The following SERPINE2 variants were observed in gnomAD, a reference collection of about 807,000 sequenced individuals.
The protein encoded by SERPINE2 is serpin family E member 2.
A neutral mutation model predicts 36.3 loss-of-function variants in SERPINE2; 14 were observed. That is an observed-to-expected ratio of 0.39 (90% confidence interval 0.25 to 0.60). SERPINE2 has a LOEUF of 0.60. SERPINE2 is among the 20% of genes least tolerant of loss of function. The probability of loss-of-function intolerance (pLI) is 0.57; values close to 1 mark genes in which losing one functional copy is unlikely to be tolerated. For missense variants in SERPINE2, 418 were observed against 499.6 expected (o/e 0.84, Z 1.56); for synonymous variants, 192 against 191.8 (o/e 1.00, Z -0.01).
At chr2:224,022,142 G>C (rs1437301909) in intron 1 of SERPINE2, among the ~76,000 whole-genome samples, 1 of 135,552 alleles carries the variant, frequency 7.4e-6, no homozygotes, top group Admixed American at 7.8e-5. Flanking sequence ...CTGGGCAACA[G>C]AGCGAGACTC....
At chr2:223,982,444 C>T (rs953694996) in intron 6 of SERPINE2, 36 of 380,010 alleles carry the variant, frequency 9.5e-5, no homozygotes, top group Non-Finnish European at 1.4e-4. Context: ...ATCCATGTAA[C>T]CAAAAACCAC....
intron 4 of SERPINE2, among the ~76,000 whole-genome samples, chr2:223,991,533 A>G (rs575670679): frequency 1.3e-5 from 2 of 152,324 alleles, no homozygotes; most frequent in East Asian, 3.9e-4. Flanking sequence ...TAAGTTTTCA[A>G]CCAAAAAGCC....
intron 1 of SERPINE2, among the ~76,000 whole-genome samples, chr2:224,008,930 C>G (rs1356221333): frequency 6.6e-6 from 1 of 152,190 alleles, no homozygotes; most frequent in Non-Finnish European, 1.5e-5. Context: ...GAAAGACCAG[C>G]TGCTGACACT....
At chr2:224,015,418 G>A (rs36006250) in intron 1 of SERPINE2, among the ~76,000 whole-genome samples, 19,725 of 152,174 alleles carry the variant, frequency 0.13, 1,393 homozygotes, top group Middle Eastern at 0.19. Context: ...TGGACAAAGG[G>A]GCGGAGAGAT....
intron 1 of SERPINE2, among the ~76,000 whole-genome samples, chr2:224,018,604 A>T (rs1400934458): frequency 6.6e-6 from 1 of 150,474 alleles, no homozygotes; most frequent in Non-Finnish European, 1.5e-5. Context: ...AAAAAAAAAT[A>T]ATAATAAAAT....
rs367557630 is a variant in SERPINE2 at position 223,975,856 on chromosome 2, T to C, written c.*11A>G. 17 of 1,576,682 alleles carry C rather than the reference T, an allele frequency of 1.1e-5. No homozygotes were observed. The highest frequency in any genetic ancestry group is 1.2e-5 in the Non-Finnish European group (14 of 1,156,270). On this transcript the variant is annotated 3_prime_UTR_variant, in exon 9 of 9. Coordinates refer to ENST00000409304, the MANE Select transcript of SERPINE2 (RefSeq NM_001136528.2). ...TAGTCGTTGCTTTGCATGGTTTCTT[T>C]TGTATACTCTTCAGGGTTTGTTTAT...
chr2:224,014,803 A>T (rs1559214305), intron 1 of SERPINE2, among the ~76,000 whole-genome samples: 1 of 152,186 alleles, frequency 6.6e-6, no homozygotes, highest in Non-Finnish European at 1.5e-5. Flanking sequence ...TTTATCCCTT[A>T]ATTTATCCTA....
chr2:224,020,817 T>C (rs1315146655), intron 1 of SERPINE2, among the ~76,000 whole-genome samples: 1 of 152,198 alleles, frequency 6.6e-6, no homozygotes. Flanking sequence ...CAATTTGCAT[T>C]CCCTATTTTA....
rs71058977 is a variant in SERPINE2, at chr2:224,022,158, CAAAAAAAAAA to C, written c.-23+16931_-23+16940del. ...TGGGCAACAGAGCGAGACTCCTTCT[CAAAAAAAAAA>C]AAAAAAAAAAAAAATTAGCCAGGTG... is the stretch of plus-strand genomic sequence containing the variant. On this transcript the variant is annotated intron_variant, in intron 1 of 8. Transcript: ENST00000409304. Among the ~76,000 whole-genome samples, 718 of 72,592 alleles carry C rather than the reference CAAAAAAAAAA, an allele frequency of 9.9e-3. 14 individuals are homozygous for C. The highest frequency in any genetic ancestry group is 0.037 in the African/African-American group (660 of 17,794). 47.6% of individuals were successfully genotyped at this position (72,592 alleles called of 152,430 possible).
chr2:223,983,228 G>A (rs1193282092), intron 5 of SERPINE2, among the ~76,000 whole-genome samples: 1 of 152,200 alleles, frequency 6.6e-6, no homozygotes, highest in Non-Finnish European at 1.5e-5. Flanking sequence ...GGTCAAAAGA[G>A]AGGAGAAACA....
chr2:223,993,475 T>G (rs1179862308), intron 3 of SERPINE2, among the ~76,000 whole-genome samples: 1 of 152,092 alleles, frequency 6.6e-6, no homozygotes, highest in Non-Finnish European at 1.5e-5. Flanking sequence ...TAAATAGGGA[T>G]CAGTAATGCC....
rs773065520 is a variant in SERPINE2, at chr2:223,998,213, T to C, written c.389A>G (p.Asn130Ser). 1 of 1,614,124 alleles carries C rather than the reference T, an allele frequency of 6.2e-7. No homozygotes were observed. Among genetic ancestry groups the C allele is most frequent in the African/African-American group, 1.3e-5 (1 of 74,942 alleles). The part of the protein sequence containing the change: ...SEIEVPFVTR[N>S]KDVFQCEVRN... Reference sequence around the variant, plus strand: ...GACCTCACACTGGAACACATCTTTGTTCCTTGTAACAAAAGGCACTTCAAT... The same window carrying C: ...GACCTCACACTGGAACACATCTTTGCTCCTTGTAACAAAAGGCACTTCAAT... Residue 130 changes from asparagine (N) to serine (S), a missense_variant, in exon 3 of 9, where the codon AAC becomes AGC. Physicochemically the swap from Asn to Ser is conservative, Grantham distance 46. Coordinates refer to ENST00000409304, the MANE Select transcript of SERPINE2 (RefSeq NM_001136528.2).
chr2:224,038,694 G>T, intron 1 of SERPINE2: 1 of 622,904 alleles, frequency 1.6e-6, no homozygotes. Flanking sequence ...CTAAGTCCGG[G>T]GTAGGGGTTG....
At chr2:223,976,271 C>T (rs1245381327) in intron 8 of SERPINE2, among the ~76,000 whole-genome samples, 1 of 152,226 alleles carries the variant, frequency 6.6e-6, no homozygotes, top group Non-Finnish European at 1.5e-5. Flanking sequence ...CTGCCTCAGC[C>T]TCCCAAGTAG....
chr2:224,019,770 A>ATTTTTTT (rs1261601893), intron 1 of SERPINE2, among the ~76,000 whole-genome samples: 2,641 of 129,200 alleles, frequency 0.02, 73 homozygotes, highest in South Asian at 0.068. Flanking sequence ...TTTTTTAAAA[A>ATTTTTTT]AAAAAAAAGA....
chr2:224,008,286 C>T lies in SERPINE2; in HGVS notation c.-22-6364G>A, dbSNP rs537464492. 2.6e-5 allele frequency among the ~76,000 whole-genome samples: 4 copies of T among 152,292 alleles called. No individual in the cohort carries two copies. The South Asian group carries it at 8.3e-4, about 32-fold the overall frequency. On this transcript the variant is annotated intron_variant, in intron 1 of 8. Transcript: ENST00000409304. ...ACCAAATGTGGGTGCTGTTATAATT[C>T]TAACTTTCCTCCCTCACTTATTAAT...
chr2:223,986,806 A>G (rs989238777), intron 4 of SERPINE2, among the ~76,000 whole-genome samples: 1 of 152,166 alleles, frequency 6.6e-6, no homozygotes, highest in Non-Finnish European at 1.5e-5. Flanking sequence ...AGTAATATTA[A>G]TAACCATGAA....
Position 223,980,325 on chromosome 2 carries a change from GC to G in SERPINE2, c.1057del (p.Ala353LeufsTer19). On this transcript the variant is annotated frameshift_variant, in exon 7 of 9. Coordinates refer to ENST00000409304, the MANE Select transcript of SERPINE2 (RefSeq NM_001136528.2). LOFTEE classifies it high-confidence loss of function. ...KIEVSEDGTK[A>X]SAATTAILIA... ...CCAGTGCTTACTTGTTGCTGCTGAAGCTTTGGTTCCATCTTCACTGACTTCA... is the reference window on the plus strand; with the variant it reads ...CCAGTGCTTACTTGTTGCTGCTGAAGTTTGGTTCCATCTTCACTGACTTCA... 1 of 1,614,116 alleles carries G rather than the reference GC, an allele frequency of 6.2e-7. No individual in the cohort carries two copies. Among genetic ancestry groups the G allele is most frequent in the Non-Finnish European group, 8.5e-7 (1 of 1,179,934 alleles).
intron 6 of SERPINE2, chr2:223,982,228 C>G (rs780287409): frequency 1.3e-5 from 2 of 152,606 alleles, no homozygotes. Context: ...AATGGAAAAC[C>G]AAATACTGTA....
Sources: gnomAD v4.1 joint callset for allele counts (sites outside exome capture counted in the v4.1 genomes callset) on GRCh38, gnomAD v4.1.1 for gene constraint, MANE v1.5 for transcripts, NCBI Gene and HGNC (gene_info 2026-07-23, HGNC 2026-07-21) for gene names.